CREB5: variants seen among roughly 807,000 people sequenced by gnomAD.
CREB5 encodes cyclic AMP-responsive element-binding protein 5.
CREB5 carries 19 observed loss-of-function variants against 57.1 expected under a neutral mutation model. The ratio of observed to expected loss-of-function variants is 0.33; its 90% CI spans 0.23 to 0.49. CREB5 has a LOEUF of 0.49. CREB5 is among the 20% of genes least tolerant of loss of function. CREB5 has a pLI of 0.99. For synonymous variants in CREB5, 238 were observed against 238.3 expected, an observed-to-expected ratio of 1.00 and a Z score of 0.01; for missense variants, 579 against 671.6, an observed-to-expected ratio of 0.86 and a Z score of 1.52.
chr7:28,573,438 A>G (rs1465070854), intron 5 of CREB5, among the ~76,000 whole-genome samples: 1 of 152,248 alleles, frequency 6.6e-6, no homozygotes, highest in Non-Finnish European at 1.5e-5. Flanking sequence ...ATTCAGGCTC[A>G]GTGCTTAAGC....
At chr7:28,410,945 C>A (rs565852768), upstream of CREB5, among the ~76,000 whole-genome samples, 216 of 152,206 alleles carry the variant, frequency 1.4e-3, no homozygotes, top group African/African-American at 4.9e-3. Context: ...ACCACTCCCC[C>A]GTCTACACCG....
chr7:28,373,851 T>A (rs1340210723), intron 1 of CREB5, among the ~76,000 whole-genome samples: 1 of 151,828 alleles, frequency 6.6e-6, no homozygotes, highest in Non-Finnish European at 1.5e-5. Flanking sequence ...GTGGTTAATA[T>A]TCATAAAATG....
At chr7:28,665,174 G>A (rs895491925) in intron 5 of CREB5, among the ~76,000 whole-genome samples, 1 of 152,122 alleles carries the variant, frequency 6.6e-6, no homozygotes, top group Non-Finnish European at 1.5e-5. Context: ...CTGCTGCTGG[G>A]TAATGAATTT....
intron 3 of CREB5, among the ~76,000 whole-genome samples, chr7:28,498,311 C>T (rs1289636160): frequency 6.6e-6 from 1 of 152,138 alleles, no homozygotes; most frequent in Non-Finnish European, 1.5e-5. Context: ...TTCAATTACA[C>T]ATTTTATTTC....
intron 4 of CREB5, among the ~76,000 whole-genome samples, chr7:28,547,992 T>G (rs1349291425): frequency 6.6e-6 from 1 of 152,198 alleles, no homozygotes; most frequent in Non-Finnish European, 1.5e-5. Flanking sequence ...GAATAGAACT[T>G]GGGTCTTTTG....
intron 1 of CREB5, among the ~76,000 whole-genome samples, chr7:28,414,285 G>GT (rs1258466001): frequency 2.1e-5 from 1 of 46,856 alleles, no homozygotes; most frequent in African/African-American, 9.4e-5. Flanking sequence ...GCAATTTAAG[G>GT]TCTTTTTTTT....
chr7:28,745,534 T>C (rs1804639963), intron 7 of CREB5, among the ~76,000 whole-genome samples: 2 of 152,228 alleles, frequency 1.3e-5, no homozygotes, highest in African/African-American at 4.8e-5. Context: ...GTGTCAGTGA[T>C]ATGATCCTCT....
At chr7:28,341,828 T>C (rs1785943068) in intron 1 of CREB5, among the ~76,000 whole-genome samples, 1 of 152,234 alleles carries the variant, frequency 6.6e-6, no homozygotes, top group African/African-American at 2.4e-5. Context: ...TTACAAGGGA[T>C]TGATCCCAAG....
chr7:28,453,057 T>C (rs984304056), intron 1 of CREB5, among the ~76,000 whole-genome samples: 1 of 152,236 alleles, frequency 6.6e-6, no homozygotes, highest in South Asian at 2.1e-4. Context: ...AGTAACTCTC[T>C]GGAAGGTTCT....
intron 4 of CREB5, among the ~76,000 whole-genome samples, chr7:28,539,458 T>G (rs907066537): frequency 5.3e-5 from 8 of 152,224 alleles, no homozygotes; most frequent in Admixed American, 5.2e-4. Flanking sequence ...AATAAGGGAA[T>G]TTAGGCACAA....
chr7:28,560,995 C>CG lies in CREB5; in HGVS notation c.292-9370_292-9369insG, dbSNP rs1562798331. On this transcript the variant is annotated intron_variant, in intron 4 of 10. Transcript: ENST00000357727. Reference sequence around the variant, plus strand: ...GTGCGTGTGTGCGTGCGTGTGTGTGCCTGCGTGTGCGTGTGTGTGTGCGTG... The same window carrying CG: ...GTGCGTGTGTGCGTGCGTGTGTGTGCGCTGCGTGTGCGTGTGTGTGTGCGTG... Among the ~76,000 whole-genome samples, 122 of 27,336 alleles carry CG rather than the reference C, an allele frequency of 4.5e-3. 11 individuals are homozygous for CG. The highest frequency in any genetic ancestry group is 0.027 in the East Asian group (17 of 632). 17.9% of individuals were successfully genotyped at this position (27,336 alleles called of 152,430 possible). A position where few individuals can be genotyped will look rare whatever the true frequency, so the allele number is the denominator to read the frequency against.
At chr7:28,334,334 T>C (rs1436275297) in intron 1 of CREB5, among the ~76,000 whole-genome samples, 1 of 152,138 alleles carries the variant, frequency 6.6e-6, no homozygotes, top group Non-Finnish European at 1.5e-5. Flanking sequence ...TTTTTGTATA[T>C]TTAGTAGAGA....
At chr7:28,737,758 C>G (rs1479836551) in intron 7 of CREB5, among the ~76,000 whole-genome samples, 1 of 151,656 alleles carries the variant, frequency 6.6e-6, no homozygotes, top group Non-Finnish European at 1.5e-5. Context: ...AAAATCAGTT[C>G]TAGCATTCAA....
chr7:28,374,706 C>T (rs556853534), intron 1 of CREB5, among the ~76,000 whole-genome samples: 506 of 152,146 alleles, frequency 3.3e-3, no homozygotes, highest in Non-Finnish European at 5.9e-3. Flanking sequence ...AGTGGGTGTT[C>T]GCTGTTTGAA....
intron 4 of CREB5, among the ~76,000 whole-genome samples, chr7:28,568,607 C>T (rs1795573666): frequency 6.6e-6 from 1 of 152,198 alleles, no homozygotes; most frequent in South Asian, 2.1e-4. Context: ...ATAGTGTTTT[C>T]CCACATCAGA....
chr7:28,665,582 G>T lies in CREB5; in HGVS notation c.465-53171G>T, dbSNP rs1442003240. Among the ~76,000 whole-genome samples, 9 of 152,114 alleles carry T rather than the reference G, an allele frequency of 5.9e-5. 1 individual carries two copies. Among genetic ancestry groups the T allele is most frequent in the Admixed American group, 5.2e-4 (8 of 15,268 alleles). ...ATGTATTTAGGAACTTTATAAGAAA[G>T]TAGGGGGAAAAACAGACAAGCAAGA... On this transcript the variant is annotated intron_variant, in intron 5 of 10. Transcript: ENST00000357727.
chr7:28,779,289 A>T (rs970759768), intron 7 of CREB5: 1 of 152,230 alleles, frequency 6.6e-6, no homozygotes, highest in Non-Finnish European at 1.5e-5. Context: ...GAGGAGAAGA[A>T]AGCAGGGCGG....
chr7:28,381,084 C>T (rs2058397), intron 1 of CREB5, among the ~76,000 whole-genome samples: 143,066 of 152,194 alleles, frequency 0.94, 67,861 homozygotes, highest in East Asian at 1. Flanking sequence ...CATCTTTCCT[C>T]CCTTTCAAGC....
chr7:28,758,849 C>A (rs1352667300), intron 7 of CREB5, among the ~76,000 whole-genome samples: 3 of 152,122 alleles, frequency 2.0e-5, no homozygotes, highest in African/African-American at 4.8e-5. Flanking sequence ...ATCAATATGG[C>A]CTTTCACAGT....
Sources: gnomAD v4.1 joint callset for allele counts (sites outside exome capture counted in the v4.1 genomes callset) on GRCh38, gnomAD v4.1.1 for gene constraint, MANE v1.5 for transcripts, NCBI Gene and HGNC (gene_info 2026-07-23, HGNC 2026-07-21) for gene names.